The following ARHGAP12 variants were observed in gnomAD, a reference collection of about 807,000 sequenced individuals.
ARHGAP12 encodes rho GTPase-activating protein 12.
ARHGAP12 carries 64 observed loss-of-function variants against 108.6 expected under a neutral mutation model. The ratio of observed to expected loss-of-function variants is 0.59; its 90% CI spans 0.48 to 0.73. The LOEUF (loss-of-function observed/expected upper bound fraction) is 0.73, where lower values mean the gene tolerates loss of function less well. ARHGAP12 is among the 30% of genes least tolerant of loss of function. The pLI is 0.00. For missense variants in ARHGAP12, 940 were observed against 1,005.9 expected, an observed-to-expected ratio of 0.93 and a Z score of 0.89; for synonymous variants, 312 against 337.2, an observed-to-expected ratio of 0.93 and a Z score of 0.82.
chr10:31,865,373 T>A (rs1233334565), intron 3 of ARHGAP12, among the ~76,000 whole-genome samples: 1 of 152,058 alleles, frequency 6.6e-6, no homozygotes, highest in Non-Finnish European at 1.5e-5. Context: ...ACATACAGGT[T>A]GTATGTTTGC....
At chr10:31,898,428 T>C (rs548986139) in intron 3 of ARHGAP12, among the ~76,000 whole-genome samples, 5 of 152,148 alleles carry the variant, frequency 3.3e-5, no homozygotes, top group African/African-American at 1.2e-4. Context: ...TTGACAAGGA[T>C]GTGGAAAAAT....
At chr10:31,892,747 G>C (rs1838504549) in intron 3 of ARHGAP12, among the ~76,000 whole-genome samples, 1 of 152,154 alleles carries the variant, frequency 6.6e-6, no homozygotes, top group South Asian at 2.1e-4. Flanking sequence ...TCTGCACCAA[G>C]CAGATCTAAT....
intron 11 of ARHGAP12, among the ~76,000 whole-genome samples, chr10:31,820,711 A>ATT (rs869210399): frequency 9.1e-5 from 6 of 66,210 alleles, no homozygotes; most frequent in African/African-American, 4.0e-4. Flanking sequence ...CTTCCATCAT[A>ATT]TTATATATAT....
At chr10:31,907,631 C>CT (rs1839189096) in intron 3 of ARHGAP12, among the ~76,000 whole-genome samples, 1 of 118,016 alleles carries the variant, frequency 8.5e-6, no homozygotes, top group Admixed American at 9.5e-5. Flanking sequence ...AAGACCTTGT[C>CT]TTAAAAAAAA....
At chr10:31,847,193 A>G (rs988218811) in intron 6 of ARHGAP12, among the ~76,000 whole-genome samples, 3 of 151,518 alleles carry the variant, frequency 2.0e-5, no homozygotes, top group Admixed American at 1.3e-4. Flanking sequence ...TAATTCATTC[A>G]TCCCTGTCAT....
intron 3 of ARHGAP12, among the ~76,000 whole-genome samples, chr10:31,863,776 C>CA (rs1175211013): frequency 1.3e-5 from 2 of 152,036 alleles, no homozygotes; most frequent in Admixed American, 6.6e-5. Context: ...CATAGATAAA[C>CA]ACGATCATCT....
At chr10:31,838,521 A>C (rs1165213311) in intron 9 of ARHGAP12, among the ~76,000 whole-genome samples, 1 of 151,918 alleles carries the variant, frequency 6.6e-6, no homozygotes, top group Non-Finnish European at 1.5e-5. Flanking sequence ...TTATCTCCAT[A>C]AAAATTTTTA....
At chr10:31,863,775 A>AT (rs1837221000) in intron 3 of ARHGAP12, among the ~76,000 whole-genome samples, 1 of 152,164 alleles carries the variant, frequency 6.6e-6, no homozygotes, top group Non-Finnish European at 1.5e-5. Flanking sequence ...TCATAGATAA[A>AT]CACGATCATC....
rs759627149 is a variant in ARHGAP12 at position 31,908,712 on chromosome 10, A to G, written c.144T>C (p.Asp48=). Residue 48 remains aspartate, a synonymous_variant, in exon 3 of 20, where the codon GAT becomes GAC. Transcript: ENST00000344936. ...ERYILVKKTN[D]DWWQVKPDEN... ...CATCTGGCTTGACTTGCCACCAGTC[A>G]TCATTGGTCTTTTTCACCAAGATGT... 7.4e-6 allele frequency: 12 copies of G among 1,614,070 alleles called. No homozygotes were observed. Among genetic ancestry groups the G allele is most frequent in the Non-Finnish European group, 8.5e-6 (10 of 1,180,042 alleles).
At chr10:31,880,092 C>G (rs1336315244) in intron 3 of ARHGAP12, among the ~76,000 whole-genome samples, 1 of 152,168 alleles carries the variant, frequency 6.6e-6, no homozygotes, top group African/African-American at 2.4e-5. Context: ...GTGCACGATA[C>G]AAGGTACATA....
At chr10:31,841,186 T>A (rs969983806) in intron 7 of ARHGAP12, among the ~76,000 whole-genome samples, 6 of 152,230 alleles carry the variant, frequency 3.9e-5, no homozygotes, top group African/African-American at 1.4e-4. Context: ...TATTTAGATA[T>A]ATGCATATAA....
chr10:31,911,716 A>G (rs1487592187), intron 1 of ARHGAP12, among the ~76,000 whole-genome samples: 1 of 152,202 alleles, frequency 6.6e-6, no homozygotes, highest in African/African-American at 2.4e-5. Flanking sequence ...ACCTGACAAG[A>G]TATGCCTCCT....
chr10:31,858,976 G>GT (rs563389202), intron 4 of ARHGAP12, among the ~76,000 whole-genome samples: 343 of 146,386 alleles, frequency 2.3e-3, no homozygotes, highest in African/African-American at 7.9e-3. Flanking sequence ...ACGGTATCAG[G>GT]TATCTGTGAA....
chr10:31,895,966 A>C (rs1164062548), intron 3 of ARHGAP12, among the ~76,000 whole-genome samples: 1 of 152,156 alleles, frequency 6.6e-6, no homozygotes, highest in Admixed American at 6.6e-5. Context: ...GGAAACCATC[A>C]TTCTCAGCAA....
chr10:31,844,853 T>A (rs1293936842), intron 6 of ARHGAP12, among the ~76,000 whole-genome samples: 3 of 152,088 alleles, frequency 2.0e-5, no homozygotes, highest in Admixed American at 1.3e-4. Flanking sequence ...GACTCCCTAT[T>A]CAGGAATATT....
intron 3 of ARHGAP12, among the ~76,000 whole-genome samples, chr10:31,901,140 T>C (rs1838900879): frequency 6.7e-6 from 1 of 149,404 alleles, no homozygotes; most frequent in African/African-American, 2.5e-5. Flanking sequence ...CGCTTGAACC[T>C]GGGAGGCAGA....
At chr10:31,924,411 A>C (rs1476889700) in intron 1 of ARHGAP12, among the ~76,000 whole-genome samples, 1 of 152,216 alleles carries the variant, frequency 6.6e-6, no homozygotes, top group African/African-American at 2.4e-5. Context: ...TTAGATATAA[A>C]GCATGATAGA....
chr10:31,881,915 G>GTT (rs886188365), intron 3 of ARHGAP12, among the ~76,000 whole-genome samples: 81 of 135,996 alleles, frequency 6.0e-4, no homozygotes, highest in African/African-American at 1.9e-3. Flanking sequence ...TTGTTTAGAT[G>GTT]TTTTTTTTTT....
chr10:31,898,658 T>A (rs1217093528), intron 3 of ARHGAP12, among the ~76,000 whole-genome samples: 1 of 152,202 alleles, frequency 6.6e-6, no homozygotes, highest in Non-Finnish European at 1.5e-5. Context: ...TTGCTGTACC[T>A]TTTCTATGTT....
Sources: allele counts gnomAD v4.1 joint callset (sites outside exome capture counted in the v4.1 genomes callset), GRCh38; gene constraint gnomAD v4.1.1; transcripts MANE v1.5; gene names NCBI Gene and HGNC (gene_info 2026-07-23, HGNC 2026-07-21).